Variants in FSTL1 observed in about 807,000 individuals in gnomAD.
FSTL1 encodes the protein follistatin like 1.
In FSTL1, 24 loss-of-function variants were observed where a neutral mutation model predicts 45.9. That is an observed-to-expected ratio of 0.52 (90% CI 0.38 to 0.74). The LOEUF (loss-of-function observed/expected upper bound fraction) is 0.74, where lower values mean the gene tolerates loss of function less well. Ranked by LOEUF, FSTL1 falls within the 30% of genes least tolerant of loss-of-function variation. The probability of loss-of-function intolerance (pLI) is 0.00; values close to 1 mark genes in which losing one functional copy is unlikely to be tolerated. For synonymous variants in FSTL1, 120 were observed against 137.6 expected, an observed-to-expected ratio of 0.87 and a Z score of 0.89; for missense variants, 340 against 381.8, an observed-to-expected ratio of 0.89 and a Z score of 0.91.
intron 6 of FSTL1, 55 bp downstream of exon 6, chr3:120,409,477 G>A (rs1270627959): frequency 1.3e-5 from 20 of 1,531,244 alleles, no homozygotes; most frequent in Non-Finnish European, 1.7e-5. Flanking sequence ...GCAATGGGAG[G>A]AGGAAGCTTC....
intron 9 of FSTL1, 89 bp from the exon 10 acceptor site, chr3:120,400,048 T>A: frequency 2.4e-6 from 2 of 846,960 alleles, no homozygotes; most frequent in Non-Finnish European, 3.9e-6. Context: ...TCTCAATTCA[T>A]CTCCCATTTA....
intron 3 of FSTL1, among the ~76,000 whole-genome samples, chr3:120,412,838 G>GCACACACA (rs71156798): frequency 0.021 from 2,245 of 106,006 alleles, 28 homozygotes; most frequent in South Asian, 0.032. Context: ...GCGCGCGCGC[G>GCACACACA]CACACACACA....
intron 2 of FSTL1, chr3:120,423,194 G>T (rs1937314760): frequency 6.6e-6 from 1 of 151,918 alleles, no homozygotes; most frequent in Non-Finnish European, 1.5e-5. Context: ...CATTCTCTAT[G>T]TGTCTTTTCA....
intron 2 of FSTL1, among the ~76,000 whole-genome samples, chr3:120,416,342 C>T (rs1252229666): frequency 1.3e-5 from 2 of 152,148 alleles, no homozygotes; most frequent in Non-Finnish European, 2.9e-5. Flanking sequence ...TTTATGCCAA[C>T]ACTACGCTGA....
At chr3:120,432,552 G>C (rs549089235) in intron 2 of FSTL1, among the ~76,000 whole-genome samples, 2 of 151,734 alleles carry the variant, frequency 1.3e-5, no homozygotes, top group Non-Finnish European at 2.9e-5. Context: ...TTTCCCCAAG[G>C]ACTGCATTAG....
At chr3:120,407,384 T>A (rs1936967092) in intron 6 of FSTL1, among the ~76,000 whole-genome samples, 1 of 152,196 alleles carries the variant, frequency 6.6e-6, no homozygotes, top group African/African-American at 2.4e-5. Context: ...CACACCCAGA[T>A]GAAATTAGGA....
chr3:120,404,875 G>T lies in FSTL1; in HGVS notation c.559C>A (p.Gln187Lys), dbSNP rs191192598. 94 of 1,572,110 alleles carry T rather than the reference G, an allele frequency of 6.0e-5. No homozygotes were observed. In the Admixed American group the frequency reaches 1.6e-3, roughly 26 times the overall value. ...TAINITTYPD[Q>K]ENNKLLRGLC... ...CACCTAAGCAACTTGTTGTTCTCCT[G>T]GTCTGGATACGTTGTAATATTGATG... The change falls in exon 7 of 11, where the codon CAG becomes AAG. Residue 187 changes from glutamine (Q) to lysine (K), a missense_variant. By Grantham distance (53) the Gln-to-Lys change is moderately conservative. Transcript: ENST00000295633.
At chr3:120,427,000 A>G (rs975799126) in intron 2 of FSTL1, among the ~76,000 whole-genome samples, 1 of 152,202 alleles carries the variant, frequency 6.6e-6, no homozygotes, top group African/African-American at 2.4e-5. Flanking sequence ...AGGGCTCCCA[A>G]GGCTCTATGT....
At chr3:120,428,560 C>T (rs927791960) in intron 2 of FSTL1, among the ~76,000 whole-genome samples, 1 of 152,100 alleles carries the variant, frequency 6.6e-6, no homozygotes, top group Admixed American at 6.5e-5. Flanking sequence ...TGGTGAAACC[C>T]CCCTCTCCAT....
chr3:120,417,544 G>T (rs1311935569), intron 2 of FSTL1, among the ~76,000 whole-genome samples: 1 of 152,212 alleles, frequency 6.6e-6, no homozygotes, highest in African/African-American at 2.4e-5. Context: ...AGGCGGGGAA[G>T]AAAGAGGAAG....
chr3:120,417,562 C>A (rs1257381741), intron 2 of FSTL1, among the ~76,000 whole-genome samples: 2 of 152,150 alleles, frequency 1.3e-5, no homozygotes, highest in African/African-American at 4.8e-5. Flanking sequence ...AAGTAATTCC[C>A]AGAAGTCCGC....
rs371566304 is a variant in FSTL1 at position 120,433,689 on chromosome 3, T to C, written c.63+16995A>G. Among the ~76,000 whole-genome samples the C allele has an allele frequency of 3.3e-5, 5 of 152,162 alleles. No individual in the cohort carries two copies. The East Asian group carries it at 5.8e-4, about 18-fold the overall frequency. ...AGTAAGTTTAGAGGAAAATAGAGTA[T>C]GTATGACAGAACTCTGGGAGAGAGG... is the stretch of plus-strand genomic sequence containing the variant. On this transcript the variant is annotated intron_variant, in intron 2 of 10. Coordinates refer to ENST00000295633, the MANE Select transcript of FSTL1 (RefSeq NM_007085.5).
At chr3:120,410,723 GA>G in intron 5 of FSTL1, 1 of 651,038 alleles carries the variant, frequency 1.5e-6, no homozygotes. Context: ...GGAAAAATGG[GA>G]AAACACAGCC....
At chr3:120,401,966 C>A (rs1039794926) in intron 9 of FSTL1, among the ~76,000 whole-genome samples, 19 of 152,212 alleles carry the variant, frequency 1.2e-4, no homozygotes, top group African/African-American at 4.6e-4. Context: ...GGCTTCAACA[C>A]CCTTCTCTGT....
At chr3:120,450,657 G>C (rs947750093) in intron 2 of FSTL1, 27 bp downstream of exon 2, 1 of 1,525,852 alleles carries the variant, frequency 6.6e-7, no homozygotes, top group Non-Finnish European at 8.8e-7. Context: ...CGGGGACCGA[G>C]TTCGGACTCC....
chr3:120,412,036 GACACAC>G, intron 3 of FSTL1, 53 bp from the exon 4 acceptor site: 2 of 1,425,866 alleles, frequency 1.4e-6, no homozygotes, highest in Non-Finnish European at 1.9e-6. Flanking sequence ...TCGACACACA[GACACAC>G]ACACACACAT....
Position 120,412,100 on chromosome 3 carries a change from A to G in FSTL1, c.169-117T>C, listed in dbSNP as rs983683454. 9 of 1,006,180 alleles carry G rather than the reference A, an allele frequency of 8.9e-6. No individual in the cohort carries two copies. In the East Asian group the frequency reaches 1.8e-4, roughly 20 times the overall value. 62.3% of individuals were successfully genotyped at this position (1,006,180 alleles called of 1,614,324 possible). ...CCATTTTGTAAGGGGACTCTCCACC[A>G]CCAGAGATGGTGCTTCTACCCCATC... On this transcript the variant is annotated intron_variant, in intron 3 of 10. Coordinates refer to ENST00000295633, the MANE Select transcript of FSTL1 (RefSeq NM_007085.5).
Position 120,399,873 on chromosome 3 carries a change from T to C in FSTL1, c.882+10A>G, listed in dbSNP as rs781219887. 1.3e-6 allele frequency: 2 copies of C among 1,583,142 alleles called. No individual in the cohort carries two copies. The highest frequency in any genetic ancestry group is 2.2e-5 in the East Asian group (1 of 44,534). On this transcript the variant is annotated intron_variant, in intron 10 of 10. Transcript: ENST00000295633. ...GCAACACCTGAACCAGCACGGAGGC[T>C]GCCACTCACCTGATGCTTTTGGAGC...
chr3:120,411,153 AGGATCTTCT>A (rs762729816), intron 4 of FSTL1, 169 bp from the exon 5 acceptor site: 52 of 559,464 alleles, frequency 9.3e-5, no homozygotes, highest in Non-Finnish European at 1.6e-4. Context: ...CCCAGGTATG[AGGATCTTCT>A]GTCTCCTGCT....
Sources: gnomAD v4.1 joint callset for allele counts (sites outside exome capture counted in the v4.1 genomes callset) on GRCh38, gnomAD v4.1.1 for gene constraint, MANE v1.5 for transcripts, NCBI Gene and HGNC (gene_info 2026-07-23, HGNC 2026-07-21) for gene names.